The following FGB variants were observed in gnomAD, a reference collection of about 807,000 sequenced individuals.
FGB encodes the protein beta-fibrinogen.
FGB carries 25 observed loss-of-function variants against 57.9 expected under a neutral mutation model. The ratio of observed to expected loss-of-function variants is 0.43; its 90% CI spans 0.31 to 0.60. The LOEUF is 0.60. Ranked by LOEUF, FGB falls within the 20% of genes least tolerant of loss-of-function variation. The pLI, the probability that FGB is intolerant of heterozygous loss-of-function variation, is 0.08. For synonymous variants in FGB, 203 were observed against 199.2 expected (o/e 1.02, Z -0.16); for missense variants, 536 against 598.4 (o/e 0.90, Z 1.09).
intron 4 of FGB, 37 bp from the exon 5 acceptor site, chr4:154,568,344 A>T: frequency 1.9e-6 from 2 of 1,074,482 alleles, no homozygotes; most frequent in Middle Eastern, 4.1e-4. Flanking sequence ...TAATTATGTC[A>T]TAAACCCCTG....
At chr4:154,568,606 G>A in intron 5 of FGB, 112 bp downstream of exon 5, 1 of 724,368 alleles carries the variant, frequency 1.4e-6, no homozygotes, top group Non-Finnish European at 2.5e-6. Context: ...AGCACCTTGG[G>A]AGGCCAAAGT....
chr4:154,570,795 T>G lies in FGB; in HGVS notation c.*145T>G. The G allele has an allele frequency of 1.4e-6, 1 of 704,438 alleles. No individual in the cohort carries two copies. The highest frequency in any genetic ancestry group is 2.1e-5 in the Admixed American group (1 of 46,816). The allele number at this position is 704,438 out of a possible 1,614,324, so 43.6% of individuals were successfully genotyped here. On this transcript the variant is annotated 3_prime_UTR_variant, in exon 8 of 8. Coordinates refer to ENST00000302068, the MANE Select transcript of FGB (RefSeq NM_005141.5). ...TTTTTGAAAAAAGTATAGGATAAAT[T>G]ACATTAAAATAGCACATGATTTTCT... is the stretch of plus-strand genomic sequence containing the variant.
chr4:154,566,694 A>C, intron 3 of FGB, 22 bp downstream of exon 3: 1 of 1,611,798 alleles, frequency 6.2e-7, no homozygotes, highest in Non-Finnish European at 8.5e-7. Context: ...TGTGCTTTCC[A>C]TTCGATTTTC....
In FGB at chr4:154,570,684, T is replaced by G. The variant is rs1439378983; in HGVS notation, c.*34T>G. ...ACGTAGATTTTTGCTCTTCTGTATG[T>G]GACAACATTTTTGTACATTATGTTA... On this transcript the variant is annotated 3_prime_UTR_variant, in exon 8 of 8. Coordinates refer to ENST00000302068, the MANE Select transcript of FGB (RefSeq NM_005141.5). 1 of 1,509,494 alleles carries G rather than the reference T, an allele frequency of 6.6e-7. No individual in the cohort carries two copies. The highest frequency in any genetic ancestry group is 9.2e-7 in the Non-Finnish European group (1 of 1,085,534). The allele number at this position is 1,509,494 out of a possible 1,614,324, so 93.5% of individuals were successfully genotyped here.
At chr4:154,568,351 C>A (rs965905099) in intron 4 of FGB, 30 bp from the exon 5 acceptor site, 3 of 1,122,754 alleles carry the variant, frequency 2.7e-6, no homozygotes, top group Non-Finnish European at 2.7e-6. Context: ...GTCATAAACC[C>A]CTGAACATAA....
Position 154,567,756 on chromosome 4 carries a change from T to C in FGB, c.654T>C (p.Ala218=), listed in dbSNP as rs749194615. Residue 218 remains alanine, a synonymous_variant, in exon 4 of 8, where the codon GCT becomes GCC. Transcript: ENST00000302068. ...AAAAGTTAGAATCTGATGTCTCAGC[T>C]CAAATGGAATATTGTCGCACCCCAT... ...KIQKLESDVS[A]QMEYCRTPCT... The C allele has an allele frequency of 1.2e-6, 2 of 1,614,142 alleles. No homozygotes were observed. Among genetic ancestry groups the C allele is most frequent in the Non-Finnish European group, 1.7e-6 (2 of 1,180,026 alleles).
chr4:154,568,432 T>C lies in FGB; in HGVS notation c.770T>C (p.Ile257Thr), dbSNP rs758467916. 3.1e-6 allele frequency: 5 copies of C among 1,610,536 alleles called. No individual in the cohort carries two copies. In the African/African-American group the frequency reaches 4.0e-5, roughly 13 times the overall value. Residue 257 changes from isoleucine to threonine, a missense_variant, in exon 5 of 8, where the codon ATT becomes ACT. This residue lies in a region of FGB where 354 missense variants were observed against 383.4 expected (regional missense o/e 0.92). Coordinates refer to ENST00000302068, the MANE Select transcript of FGB (RefSeq NM_005141.5). ...GGTGAAACATCTGAAATGTATCTCA[T>C]TCAACCTGACAGTTCTGTCAAACCG... is the stretch of plus-strand genomic sequence containing the variant. Reference protein sequence around the residue: ...KGGETSEMYLIQPDSSVKPYR... With the variant: ...KGGETSEMYLTQPDSSVKPYR...
At chr4:154,570,283 G>C (rs1457397802) in intron 7 of FGB, 136 bp from the exon 8 acceptor site, 3 of 723,114 alleles carry the variant, frequency 4.1e-6, no homozygotes, top group African/African-American at 1.7e-5. Context: ...TGGTGTATTA[G>C]TGTGACTCTA....
chr4:154,566,772 G>C, intron 3 of FGB, 100 bp downstream of exon 3: 1 of 1,185,210 alleles, frequency 8.4e-7, no homozygotes, highest in Non-Finnish European at 1.2e-6. Context: ...ACATTTCTGG[G>C]TTAGTGAATA....
At position 154,565,796 on chromosome 4, in the gene FGB, C is replaced by T. The variant is rs187641148; in HGVS notation, c.115-12C>T. 985 of 1,613,328 alleles carry T rather than the reference C, an allele frequency of 6.1e-4. No homozygotes were observed. The highest frequency in any genetic ancestry group is 7.3e-4 in the Non-Finnish European group (855 of 1,179,268). On this transcript the variant is annotated splice_polypyrimidine_tract_variant and intron_variant, in intron 1 of 7. Transcript: ENST00000302068. ...AACACTCTGTATTATATTTCTGCCTCATTCCTTGTAGGGTTTCTTCAGTGC... is the reference window on the plus strand; with the variant it reads ...AACACTCTGTATTATATTTCTGCCTTATTCCTTGTAGGGTTTCTTCAGTGC...
Position 154,571,278 on chromosome 4 carries a change from C to A in FGB, c.*628C>A, listed in dbSNP as rs1024291835. On this transcript the variant is annotated 3_prime_UTR_variant, in exon 8 of 8. Coordinates refer to ENST00000302068, the MANE Select transcript of FGB (RefSeq NM_005141.5). ...CAACACTTTGGGAGGCTGAGGCGGGCGGTCACAAGGTCAGGAGTTCAAGAC... is the reference window on the plus strand; with the variant it reads ...CAACACTTTGGGAGGCTGAGGCGGGAGGTCACAAGGTCAGGAGTTCAAGAC... Among the ~76,000 whole-genome samples the A allele has an allele frequency of 6.6e-6, 1 of 151,836 alleles. No individual in the cohort carries two copies. The highest frequency in any genetic ancestry group is 1.5e-5 in the Non-Finnish European group (1 of 67,942).
chr4:154,569,413 T>G, intron 6 of FGB, 101 bp from the exon 7 acceptor site: 1 of 1,586,818 alleles, frequency 6.3e-7, no homozygotes, highest in East Asian at 2.2e-5. Flanking sequence ...TAAGAGGAGT[T>G]TCCTGACAAA....
chr4:154,568,261 A>G (rs1730254568), intron 4 of FGB, 120 bp from the exon 5 acceptor site: 5 of 709,760 alleles, frequency 7.0e-6, no homozygotes, highest in Non-Finnish European at 1.0e-5. Context: ...TATTATTTTC[A>G]AAGGTCTATA....
chr4:154,565,241 T>C (rs1451170220), intron 1 of FGB: 5 of 458,234 alleles, frequency 1.1e-5, no homozygotes, highest in Middle Eastern at 3.3e-4. Flanking sequence ...TAGCTGTAAG[T>C]CAACCCTACG....
chr4:154,564,697 G>T (rs1730082277), intron 1 of FGB, among the ~76,000 whole-genome samples: 1 of 151,930 alleles, frequency 6.6e-6, no homozygotes, highest in Admixed American at 6.6e-5. Context: ...TTGTTGCTCA[G>T]TTGTTCCAAA....
chr4:154,568,614 A>T, intron 5 of FGB, 120 bp downstream of exon 5: 1 of 684,338 alleles, frequency 1.5e-6, no homozygotes. Context: ...GGGAGGCCAA[A>T]GTGGGCTGAT....
chr4:154,564,418 T>G (rs72955359), intron 1 of FGB, among the ~76,000 whole-genome samples: 1,907 of 152,202 alleles, frequency 0.013, 39 homozygotes, highest in African/African-American at 0.044. Context: ...TCACATTTCT[T>G]AAAATTTGTT....
chr4:154,566,552 A>T lies in FGB; in HGVS notation c.370A>T (p.Arg124Ter). The change falls in exon 3 of 8, where the codon AGA (arginine) becomes TGA (stop). Residue 124 changes from arginine (R) to a stop codon, truncating the protein, a stop_gained. Transcript: ENST00000302068. LOFTEE classifies it high-confidence loss of function. ...EALLQQERPIRNSVDELNNNV... is the reference protein window; with the variant it reads ...EALLQQERPI ...TTTGCTACAACAGGAAAGGCCAATC[A>T]GAAATAGTGTTGATGAGTTAAATAA... is the stretch of plus-strand genomic sequence containing the variant. The T allele has an allele frequency of 6.2e-7, 1 of 1,614,170 alleles. No individual in the cohort carries two copies. The highest frequency in any genetic ancestry group is 8.5e-7 in the Non-Finnish European group (1 of 1,180,010).
chr4:154,571,059 T>C lies in FGB; in HGVS notation c.*409T>C, dbSNP rs192770089. 2 of 292,208 alleles carry C rather than the reference T, an allele frequency of 6.8e-6. No individual in the cohort carries two copies. The highest frequency in any genetic ancestry group is 1.0e-4 in the Admixed American group (2 of 19,940). 18.1% of individuals were successfully genotyped at this position (292,208 alleles called of 1,614,324 possible). A position where few individuals can be genotyped will look rare whatever the true frequency, so the allele number is the denominator to read the frequency against. On this transcript the variant is annotated 3_prime_UTR_variant, in exon 8 of 8. Coordinates refer to ENST00000302068, the MANE Select transcript of FGB (RefSeq NM_005141.5). ...CAAAGAAAACTTCCAAAAAGATTTA[T>C]TAATTAAACCAGACTCTGTTGCAAT...
Sources: gnomAD v4.1 joint callset for allele counts (sites outside exome capture counted in the v4.1 genomes callset) on GRCh38, gnomAD v4.1.1 for gene constraint, gnomAD v4.1.1 regional missense constraint, MANE v1.5 for transcripts, NCBI Gene and HGNC (gene_info 2026-07-23, HGNC 2026-07-21) for gene names.